The following CCDC82 variants were observed in gnomAD, a reference collection of about 807,000 sequenced individuals.
The protein encoded by CCDC82 is coiled-coil domain-containing protein 82.
Under a neutral mutation model 60.6 loss-of-function variants are expected in CCDC82, and 47 were observed. The ratio of observed to expected loss-of-function variants is 0.77; its 90% CI spans 0.61 to 0.99. The LOEUF is 0.99. Ranked by LOEUF, CCDC82 falls within the 50% of genes least tolerant of loss-of-function variation. CCDC82 has a pLI of 0.00. For synonymous variants in CCDC82, 212 were observed against 207.4 expected, an observed-to-expected ratio of 1.02 and a Z score of -0.19; for missense variants, 588 against 633.0, an observed-to-expected ratio of 0.93 and a Z score of 0.76.
intron 9 of CCDC82, 48 bp downstream of exon 9, chr11:96,358,945 A>G (rs376362834): frequency 1.5e-4 from 222 of 1,436,790 alleles, no homozygotes; most frequent in Non-Finnish European, 1.9e-4. Context: ...GCTGATCATA[A>G]TTAGCCTTCA....
In CCDC82 at chr11:96,383,416, C is replaced by A; in HGVS notation, c.844G>T (p.Asp282Tyr). The A allele has an allele frequency of 6.2e-7, 1 of 1,602,734 alleles. No homozygotes were observed. The highest frequency in any genetic ancestry group is 8.5e-7 in the Non-Finnish European group (1 of 1,173,600). ...SDEVDEEEEE[D>Y]NYESDEDGDD... ...CCATCTTCATCAGATTCATAATTAT[C>A]CTCTTCTTCCTCCTCATCAACTTCA... The change falls in exon 5 of 10, where the codon GAT (aspartate) becomes TAT (tyrosine). Residue 282 changes from aspartate (D) to tyrosine (Y), a missense_variant. Physicochemically the swap from Asp to Tyr is radical, Grantham distance 160. Transcript: ENST00000646818.
At chr11:96,370,854 T>A (rs981981727) in intron 7 of CCDC82, among the ~76,000 whole-genome samples, 159 bp downstream of exon 7, 1 of 152,208 alleles carries the variant, frequency 6.6e-6, no homozygotes, top group African/African-American at 2.4e-5. Context: ...TGTGAAGGAT[T>A]AAAACAATAA....
intron 9 of CCDC82, chr11:96,357,984 A>G (rs1372405366): frequency 3.0e-6 from 3 of 985,286 alleles, no homozygotes; most frequent in Non-Finnish European, 3.6e-6. Flanking sequence ...TGGGAGAAAA[A>G]TTGTCAAAGG....
chr11:96,380,707 A>G (rs530877950), intron 5 of CCDC82: 2 of 151,970 alleles, frequency 1.3e-5, no homozygotes, highest in African/African-American at 2.4e-5. Flanking sequence ...ACCTAAGTGC[A>G]TATTATTAAG....
rs527488096 is a variant in CCDC82 at position 96,353,679 on chromosome 11, C to G, written c.1602G>C (p.Ala534=). Residue 534 remains alanine, a synonymous_variant, in exon 10 of 10, where the codon GCG becomes GCC. Transcript: ENST00000646818. ...CAAACTTCTCTTCTTGAAAGTAATC[C>G]GCAAAATTGAGATATTCTTCAAGTT... ...YGQLEEYLNF[A]DYFQEEKFEL 1.2e-6 allele frequency: 2 copies of G among 1,610,474 alleles called. No homozygotes were observed. The highest frequency in any genetic ancestry group is 8.5e-7 in the Non-Finnish European group (1 of 1,178,462).
At chr11:96,389,068 A>G (rs1435840876) in intron 1 of CCDC82, 1 of 152,218 alleles carries the variant, frequency 6.6e-6, no homozygotes, top group African/African-American at 2.4e-5. Context: ...TCACACTGCT[A>G]TGAATAAATT....
At chr11:96,378,761 G>A (rs1428986945) in intron 5 of CCDC82, among the ~76,000 whole-genome samples, 3 of 151,834 alleles carry the variant, frequency 2.0e-5, no homozygotes, top group Non-Finnish European at 4.4e-5. Flanking sequence ...TGTAAATGTG[G>A]CATGCAATGG....
intron 7 of CCDC82, among the ~76,000 whole-genome samples, chr11:96,367,775 G>T (rs915205635): frequency 4.6e-5 from 7 of 150,806 alleles, no homozygotes; most frequent in Non-Finnish European, 5.9e-5. Context: ...AGATACATCA[G>T]AAGAATCACT....
At chr11:96,389,749 C>T (rs950663596) in intron 1 of CCDC82, 95 bp downstream of exon 1, 5 of 152,408 alleles carry the variant, frequency 3.3e-5, no homozygotes, top group African/African-American at 1.2e-4. Flanking sequence ...CGCGAGGAGG[C>T]ACGGCTTCCC....
At chr11:96,364,088 T>G (rs1336638709) in intron 8 of CCDC82, 1 of 152,160 alleles carries the variant, frequency 6.6e-6, no homozygotes. Context: ...GCAAAGACCA[T>G]GAAGGTACAG....
At chr11:96,358,208 G>A in intron 9 of CCDC82, 1 of 1,010,704 alleles carries the variant, frequency 9.9e-7, no homozygotes, top group Non-Finnish European at 1.2e-6. Context: ...ATGTTGATAA[G>A]AGTTGCCTGA....
Position 96,384,060 on chromosome 11 carries a change from T to C in CCDC82, c.688A>G (p.Lys230Glu), listed in dbSNP as rs772776124. Residue 230 changes from lysine (K) to glutamate (E), a missense_variant, in exon 4 of 10, where the codon AAA becomes GAA. Physicochemically the swap from Lys to Glu is moderately conservative, Grantham distance 56. Transcript: ENST00000646818. ...TCTCGCTTTTGTGCAGCTAATGTTT[T>C]TTCAGGAGTCTTTTGCTCCATTTCC... ...SVEMEQKTPEKTLAAQKREKL... is the reference protein window; with the variant it reads ...SVEMEQKTPEETLAAQKREKL... 1 of 1,613,790 alleles carries C rather than the reference T, an allele frequency of 6.2e-7. No homozygotes were observed. The highest frequency in any genetic ancestry group is 1.1e-5 in the South Asian group (1 of 91,080).
chr11:96,369,503 AGGAT>A (rs1386179148), intron 7 of CCDC82, among the ~76,000 whole-genome samples: 8 of 152,180 alleles, frequency 5.3e-5, no homozygotes, highest in African/African-American at 1.9e-4. Flanking sequence ...TTAAGGAATA[AGGAT>A]GCCTGAGGAG....
chr11:96,383,942 TC>T lies in CCDC82; in HGVS notation c.786+19del, dbSNP rs1866025759. On this transcript the variant is annotated intron_variant, in intron 4 of 9. Coordinates refer to ENST00000646818, the MANE Select transcript of CCDC82 (RefSeq NM_024725.4). ...AAAAAAACTGAAAAACAATAACAAA[TC>T]CAACAAAATATAACACACCTCAAAA... The T allele has an allele frequency of 6.4e-7, 1 of 1,562,132 alleles. No homozygotes were observed. Among genetic ancestry groups the T allele is most frequent in the Admixed American group, 2.1e-5 (1 of 48,226 alleles).
chr11:96,363,929 CTTTGCT>C (rs556326107), intron 8 of CCDC82: 1 of 152,102 alleles, frequency 6.6e-6, no homozygotes, highest in African/African-American at 2.4e-5. Flanking sequence ...TATTGATGTT[CTTTGCT>C]TTTAGTTCAT....
rs1403597099 is a variant in CCDC82 at position 96,384,522 on chromosome 11, T to C, written c.226A>G (p.Asn76Asp). 1 of 1,613,680 alleles carries C rather than the reference T, an allele frequency of 6.2e-7. No individual in the cohort carries two copies. The highest frequency in any genetic ancestry group is 8.5e-7 in the Non-Finnish European group (1 of 1,179,816). Residue 76 changes from asparagine to aspartate, a missense_variant, in exon 4 of 10, where the codon AAT becomes GAT. Asn to Asp is a conservative substitution (Grantham distance 23, BLOSUM62 1). Coordinates refer to ENST00000646818, the MANE Select transcript of CCDC82 (RefSeq NM_024725.4). Reference protein sequence around the residue: ...ELDSNKGPDCNKTPGSERELN... With the variant: ...ELDSNKGPDCDKTPGSERELN... ...TCTCTTTCACTTCCTGGTGTTTTAT[T>C]ACAATCAGGTCCCTTGTTACTATCA...
intron 9 of CCDC82, 99 bp from the exon 10 acceptor site, chr11:96,353,813 T>C: frequency 9.3e-6 from 7 of 752,070 alleles, no homozygotes; most frequent in Non-Finnish European, 1.5e-5. Flanking sequence ...GTCCATTTCA[T>C]GGTAATCGTG....
chr11:96,384,095 C>A lies in CCDC82; in HGVS notation c.653G>T (p.Gly218Val), dbSNP rs759225013. Residue 218 changes from glycine (G) to valine (V), a missense_variant, in exon 4 of 10, where the codon GGT becomes GTT. Gly to Val is a moderately radical substitution (Grantham distance 109, BLOSUM62 -3). Transcript: ENST00000646818. Reference protein sequence around the residue: ...KRPRRVVEDEGSSVEMEQKTP... With the variant: ...KRPRRVVEDEVSSVEMEQKTP... ...CTTTTGCTCCATTTCCACTGAAGAA[C>A]CTTCATCTTCAACCACTCTACGGGG... is the stretch of plus-strand genomic sequence containing the variant. 3.1e-5 allele frequency: 50 copies of A among 1,613,532 alleles called. No homozygotes were observed. In the Middle Eastern group the frequency reaches 6.6e-4, roughly 21 times the overall value.
At chr11:96,385,681 G>A (rs1310398638) in intron 3 of CCDC82, 1 of 152,000 alleles carries the variant, frequency 6.6e-6, no homozygotes, top group Non-Finnish European at 1.5e-5. Flanking sequence ...TAAGTTCCAC[G>A]GCAAAGCAGA....
Sources: gnomAD v4.1 joint callset for allele counts (sites outside exome capture counted in the v4.1 genomes callset) on GRCh38, gnomAD v4.1.1 for gene constraint, MANE v1.5 for transcripts, NCBI Gene and HGNC (gene_info 2026-07-23, HGNC 2026-07-21) for gene names.